Variants in CCDC88A observed in about 807,000 individuals in gnomAD.
The protein encoded by CCDC88A is coiled-coil and HOOK domain protein 88A, also known as girdin.
A neutral mutation model predicts 234.3 loss-of-function variants in CCDC88A; 54 were observed. The observed-to-expected ratio is 0.23, with a 90% CI of 0.19 to 0.29. The LOEUF (loss-of-function observed/expected upper bound fraction) is 0.29. CCDC88A is among the 10% of genes least tolerant of loss of function. The pLI, the probability that CCDC88A is intolerant of heterozygous loss-of-function variation, is 1.00. For synonymous variants in CCDC88A, 753 were observed against 737.8 expected, an observed-to-expected ratio of 1.02 and a Z score of -0.33; for missense variants, 1,832 against 2,123.4, an observed-to-expected ratio of 0.86 and a Z score of 2.70.
At chr2:55,330,547 C>G (rs997548008) in intron 16 of CCDC88A, among the ~76,000 whole-genome samples, 2 of 151,994 alleles carry the variant, frequency 1.3e-5, no homozygotes, top group African/African-American at 4.8e-5. Context: ...ACATAAATCC[C>G]AAGGTGGAGG....
At position 55,401,433 on chromosome 2, in the gene CCDC88A, C is replaced by CAAAAAAAAA. The variant is rs1418741634; in HGVS notation, c.165-12548_165-12547insTTTTTTTTT. ...TGGATGACAGAGAAAGACTCTGTCTCCAAAAAAAAAAAAAATATATATATA... is the reference window on the plus strand; with the variant it reads ...TGGATGACAGAGAAAGACTCTGTCTCAAAAAAAAACAAAAAAAAAAAAAATATATATATA... On this transcript the variant is annotated intron_variant, in intron 2 of 32. Coordinates refer to ENST00000436346, the MANE Select transcript of CCDC88A (RefSeq NM_001365480.1). Among the ~76,000 whole-genome samples the CAAAAAAAAA allele has an allele frequency of 2.7e-3, 81 of 30,122 alleles. 3 individuals carry two copies. The highest frequency in any genetic ancestry group is 5.9e-3 in the Admixed American group (12 of 2,018). The allele number at this position is 30,122 out of a possible 152,430, so 19.8% of individuals were successfully genotyped here.
At position 55,416,443 on chromosome 2, in the gene CCDC88A, AATATATATATATATATAT is replaced by A. The variant is rs60840841; in HGVS notation, c.164+2355_164+2372del. Among the ~76,000 whole-genome samples, 37 of 15,844 alleles carry A rather than the reference AATATATATATATATATAT, an allele frequency of 2.3e-3. No individual in the cohort carries two copies. The East Asian group carries it at 0.044, about 19-fold the overall frequency. The allele number at this position is 15,844 out of a possible 152,430, so 10.4% of individuals were successfully genotyped here. A position where few individuals can be genotyped will look rare whatever the true frequency, so the allele number is the denominator to read the frequency against. Reference sequence around the variant, plus strand: ...AAGAGGTCAAATAAATAAATAAATAAATATATATATATATATATATATATATATATATATATATATATA... The same window carrying A: ...AAGAGGTCAAATAAATAAATAAATAAATATATATATATATATATATATATA... On this transcript the variant is annotated intron_variant, in intron 2 of 32. Transcript: ENST00000436346.
At chr2:55,340,706 A>G (rs1400913345) in intron 12 of CCDC88A, among the ~76,000 whole-genome samples, 1 of 152,222 alleles carries the variant, frequency 6.6e-6, no homozygotes, top group Non-Finnish European at 1.5e-5. Context: ...AATATTCTGA[A>G]CACGCTGAAA....
chr2:55,345,967 T>G, intron 10 of CCDC88A: 1 of 393,360 alleles, frequency 2.5e-6, no homozygotes, highest in Non-Finnish European at 4.5e-6. Flanking sequence ...AACCCCAGAG[T>G]TCAATAAAAT....
At chr2:55,394,022 G>A (rs1257614791) in intron 2 of CCDC88A, 1 of 152,020 alleles carries the variant, frequency 6.6e-6, no homozygotes, top group African/African-American at 2.4e-5. Context: ...GCAATGCTAT[G>A]ATCATAGCTC....
At chr2:55,407,869 C>G (rs532700498) in intron 2 of CCDC88A, among the ~76,000 whole-genome samples, 77 of 151,520 alleles carry the variant, frequency 5.1e-4, no homozygotes, top group Admixed American at 1.6e-3. Context: ...AGGCACCCAC[C>G]ACCATGCCCA....
intron 3 of CCDC88A, among the ~76,000 whole-genome samples, chr2:55,375,468 ACTATATAT>A (rs558198651): frequency 1.4e-4 from 18 of 129,714 alleles, no homozygotes; most frequent in East Asian, 2.8e-4. Flanking sequence ...CTGTCACTGT[ACTATATAT>A]ATATATATAT....
At chr2:55,301,777 G>A (rs1451371723) in intron 27 of CCDC88A, 95 bp downstream of exon 27, 1 of 993,612 alleles carries the variant, frequency 1.0e-6, no homozygotes, top group Admixed American at 1.9e-5. Context: ...AATTATTTCA[G>A]GTTGCTGCTT....
At chr2:55,312,376 T>C (rs901698464) in intron 23 of CCDC88A, 58 bp downstream of exon 23, 2 of 1,488,456 alleles carry the variant, frequency 1.3e-6, no homozygotes, top group African/African-American at 2.8e-5. Flanking sequence ...CCACTGGGTA[T>C]GGCAATGATA....
intron 3 of CCDC88A, among the ~76,000 whole-genome samples, chr2:55,378,415 GAC>G (rs1410487988): frequency 6.6e-6 from 1 of 152,176 alleles, no homozygotes; most frequent in Non-Finnish European, 1.5e-5. Flanking sequence ...GAATCTAAAT[GAC>G]CAGTACATTG....
At chr2:55,343,407 A>C (rs979605230) in intron 12 of CCDC88A, among the ~76,000 whole-genome samples, 3 of 152,104 alleles carry the variant, frequency 2.0e-5, no homozygotes, top group Admixed American at 2.0e-4. Context: ...ATTAACATGA[A>C]ATAGTGGCTA....
At chr2:55,370,689 T>A in intron 5 of CCDC88A, among the ~76,000 whole-genome samples, 1 of 147,180 alleles carries the variant, frequency 6.8e-6, no homozygotes, top group African/African-American at 2.5e-5. Context: ...TGCATATAAT[T>A]AGTCTTTCTT....
At chr2:55,299,742 T>G (rs541610566) in intron 29 of CCDC88A, 97 bp downstream of exon 29, 10 of 755,048 alleles carry the variant, frequency 1.3e-5, no homozygotes, top group Non-Finnish European at 1.8e-5. Flanking sequence ...CATAGATGAT[T>G]TGGATTTCAT....
intron 5 of CCDC88A, among the ~76,000 whole-genome samples, chr2:55,366,534 T>A (rs7565846): frequency 7.8e-6 from 1 of 127,636 alleles, no homozygotes; most frequent in Non-Finnish European, 1.7e-5. Flanking sequence ...CACACACACA[T>A]ACACACACAC....
chr2:55,351,747 T>A (rs1287785636), intron 8 of CCDC88A, among the ~76,000 whole-genome samples: 1 of 152,194 alleles, frequency 6.6e-6, no homozygotes, highest in Non-Finnish European at 1.5e-5. Flanking sequence ...TCAAAACAGA[T>A]GTCTACAGAA....
intron 10 of CCDC88A, chr2:55,345,279 A>T (rs1213301262): frequency 2.6e-5 from 4 of 152,194 alleles, no homozygotes; most frequent in Admixed American, 6.5e-5. Context: ...ACTTTCTCTT[A>T]TGTTTTCGTT....
chr2:55,407,459 G>A (rs192484650), intron 2 of CCDC88A, among the ~76,000 whole-genome samples: 32 of 151,468 alleles, frequency 2.1e-4, no homozygotes, highest in African/African-American at 6.3e-4. Flanking sequence ...ACAAAAATTA[G>A]CCAGGCATGG....
At chr2:55,297,321 TAATA>T (rs1192065594) in intron 29 of CCDC88A, among the ~76,000 whole-genome samples, 1 of 95,586 alleles carries the variant, frequency 1.0e-5, no homozygotes, top group African/African-American at 4.6e-5. Context: ...TATAAATATA[TAATA>T]TATAATATAT....
chr2:55,344,310 C>A, intron 11 of CCDC88A, 58 bp downstream of exon 11: 1 of 1,273,952 alleles, frequency 7.8e-7, no homozygotes, highest in South Asian at 1.8e-5. Context: ...GGGAAATCAG[C>A]TGAATCTTAG....
Sources: gnomAD v4.1 joint callset for allele counts (sites outside exome capture counted in the v4.1 genomes callset) on GRCh38, gnomAD v4.1.1 for gene constraint, MANE v1.5 for transcripts, NCBI Gene and HGNC (gene_info 2026-07-23, HGNC 2026-07-21) for gene names.